Variants in TTC19 observed in about 807,000 individuals in gnomAD.
TTC19 encodes tetratricopeptide repeat domain 19.
Under a neutral mutation model 49.5 loss-of-function variants are expected in TTC19, and 38 were observed. That is an observed-to-expected ratio of 0.77 (90% CI 0.59 to 1.01). The LOEUF (loss-of-function observed/expected upper bound fraction) is 1.01. Among genes scored for constraint, TTC19 ranks in the 50% least tolerant of loss-of-function variants. The pLI, the probability that TTC19 is intolerant of heterozygous loss-of-function variation, is 0.00. For missense variants in TTC19, 475 were observed against 477.7 expected (o/e 0.99, Z 0.05); for synonymous variants, 204 against 185.2 (o/e 1.10, Z -0.83).
intron 2 of TTC19, among the ~76,000 whole-genome samples, chr17:16,036,559 A>G (rs2056413651): frequency 6.6e-6 from 1 of 152,190 alleles, no homozygotes; most frequent in South Asian, 2.1e-4. Context: ...CACCTTTATC[A>G]AAGATCTTAG....
intron 7 of TTC19, among the ~76,000 whole-genome samples, chr17:16,019,499 G>A (rs931174881): frequency 6.6e-5 from 10 of 152,192 alleles, no homozygotes; most frequent in African/African-American, 2.4e-4. Flanking sequence ...CAGAGGCCCT[G>A]TTTGCTTGCC....
At chr17:16,013,356 T>G (rs1307849062) in intron 7 of TTC19, among the ~76,000 whole-genome samples, 3 of 152,232 alleles carry the variant, frequency 2.0e-5, no homozygotes, top group Non-Finnish European at 4.4e-5. Flanking sequence ...AGCTGTTCTG[T>G]GCCAGGTATT....
intron 5 of TTC19, 101 bp downstream of exon 5, chr17:16,003,988 A>T (rs975401175): frequency 4.5e-6 from 6 of 1,337,274 alleles, no homozygotes; most frequent in Non-Finnish European, 6.4e-6. Context: ...TTTGGTCAGG[A>T]AAGGTGGAGT....
chr17:16,040,440 C>T, intron 2 of TTC19: 1 of 1,613,370 alleles, frequency 6.2e-7, no homozygotes, highest in Non-Finnish European at 8.5e-7. Flanking sequence ...TTCAATCTTA[C>T]CTGACGTAGT....
chr17:16,021,009 T>C (rs1319542210), intron 7 of TTC19, among the ~76,000 whole-genome samples: 1 of 146,168 alleles, frequency 6.8e-6, no homozygotes, highest in African/African-American at 2.8e-5. Context: ...CTTCTATTTG[T>C]TCATTCATTC....
At chr17:16,002,715 A>G (rs747878727) in intron 3 of TTC19, 78 bp from the exon 4 acceptor site, 165 of 1,426,606 alleles carry the variant, frequency 1.2e-4, no homozygotes, top group Non-Finnish European at 1.4e-4. Flanking sequence ...GGGTGAAAGC[A>G]AAAGGGAATT....
chr17:16,015,162 T>C (rs1971178422), intron 7 of TTC19, among the ~76,000 whole-genome samples: 2 of 152,194 alleles, frequency 1.3e-5, no homozygotes, highest in Admixed American at 1.3e-4. Flanking sequence ...CTGAAATAAG[T>C]GTGGGATATT....
At chr17:16,022,295 A>G (rs1386342024) in intron 7 of TTC19, among the ~76,000 whole-genome samples, 1 of 152,204 alleles carries the variant, frequency 6.6e-6, no homozygotes, top group Non-Finnish European at 1.5e-5. Flanking sequence ...TCAGCTGTGC[A>G]GGGAAAGGAT....
downstream of TTC19, chr17:16,032,450 A>G: frequency 6.2e-7 from 1 of 1,612,446 alleles, no homozygotes; most frequent in East Asian, 2.2e-5. Flanking sequence ...GAGCATCCGC[A>G]TAGTCAGAGG....
chr17:16,030,585 G>A, downstream of TTC19: 1 of 184,444 alleles, frequency 5.4e-6, no homozygotes, highest in Non-Finnish European at 1.1e-5. Context: ...ACATATATCT[G>A]TTGTAAAAAA....
At position 16,006,520 on chromosome 17, in the gene TTC19, G is replaced by C; in HGVS notation, c.628G>C (p.Glu210Gln). ...CTATGAATTCTGCATTTCAACTCTA[G>C]AGGAAAAAATTGAAAGAGAAAAGGA... ...AGYEFCISTLEEKIEREKELA... is the reference protein window; with the variant it reads ...AGYEFCISTLQEKIEREKELA... Residue 210 changes from glutamate to glutamine, a missense_variant, in exon 7 of 10, where the codon GAG becomes CAG. Glu to Gln is a conservative substitution (Grantham distance 29, BLOSUM62 2). Coordinates refer to ENST00000261647, the MANE Select transcript of TTC19 (RefSeq NM_017775.4). 6.2e-7 allele frequency: 1 copy of C among 1,613,864 alleles called. No homozygotes were observed. Among genetic ancestry groups the C allele is most frequent in the South Asian group, 1.1e-5 (1 of 91,076 alleles).
chr17:16,010,319 ACGTG>A (rs1280122233), intron 7 of TTC19, among the ~76,000 whole-genome samples: 1 of 150,032 alleles, frequency 6.7e-6, no homozygotes. Flanking sequence ...GACTACAGGC[ACGTG>A]CCACCATGCC....
chr17:16,017,011 C>T (rs1473028653), intron 7 of TTC19, among the ~76,000 whole-genome samples: 2 of 152,092 alleles, frequency 1.3e-5, no homozygotes, highest in East Asian at 3.9e-4. Context: ...TTTTTAAAAT[C>T]TTCTTTCTTT....
At chr17:16,039,470 C>G in intron 2 of TTC19, 3 of 1,614,124 alleles carry the variant, frequency 1.9e-6, no homozygotes, top group South Asian at 1.1e-5. Context: ...CTCTTCGTGT[C>G]TCACCACTGG....
At chr17:16,008,995 AAAG>A (rs1364138241) in intron 7 of TTC19, among the ~76,000 whole-genome samples, 2 of 152,160 alleles carry the variant, frequency 1.3e-5, no homozygotes, top group South Asian at 2.1e-4. Flanking sequence ...CTTCCATATC[AAAG>A]AAGGATAGAG....
intron 2 of TTC19, among the ~76,000 whole-genome samples, chr17:16,034,583 GGGTGACA>G (rs1398207691): frequency 6.6e-6 from 1 of 152,068 alleles, no homozygotes; most frequent in African/African-American, 2.4e-5. Flanking sequence ...ATTCCAGCCT[GGGTGACA>G]GAACAAGACC....
At chr17:16,007,183 T>C (rs1006840034) in intron 7 of TTC19, among the ~76,000 whole-genome samples, 2 of 152,332 alleles carry the variant, frequency 1.3e-5, no homozygotes, top group African/African-American at 2.4e-5. Context: ...TCTAACTCTC[T>C]CTTGAACATA....
chr17:16,035,837 C>T (rs1000846160), intron 2 of TTC19, among the ~76,000 whole-genome samples: 2 of 152,080 alleles, frequency 1.3e-5, no homozygotes, highest in African/African-American at 2.4e-5. Context: ...TCATCATACC[C>T]GGCCTCTCTT....
intron 7 of TTC19, among the ~76,000 whole-genome samples, chr17:16,012,600 A>G (rs59749475): frequency 0.16 from 24,678 of 151,534 alleles, 4,518 homozygotes; most frequent in African/African-American, 0.45. Flanking sequence ...ATTCAATGGC[A>G]TGATCTCGGC....
Sources: allele counts gnomAD v4.1 joint callset (sites outside exome capture counted in the v4.1 genomes callset), GRCh38; gene constraint gnomAD v4.1.1; transcripts MANE v1.5; gene names NCBI Gene and HGNC (gene_info 2026-07-23, HGNC 2026-07-21).